The following CHST5 variants were observed in gnomAD, a reference collection of about 807,000 sequenced individuals.
The protein encoded by CHST5 is carbohydrate sulfotransferase 5.
For missense variants in CHST5, 637 were observed against 602.1 expected, an observed-to-expected ratio of 1.06 and a Z score of -0.61; for synonymous variants, 313 against 279.2, an observed-to-expected ratio of 1.12 and a Z score of -1.21.
At position 75,533,233 on chromosome 16, in the gene CHST5, A is replaced by G. The variant is rs1032614433; in HGVS notation, c.-1351-50T>C. The G allele has an allele frequency of 2.0e-5, 14 of 702,290 alleles. No homozygotes were observed. The African/African-American group carries it at 2.4e-4, about 12-fold the overall frequency. 43.5% of individuals were successfully genotyped at this position (702,290 alleles called of 1,614,324 possible). On this transcript the variant is annotated intron_variant, in intron 2 of 3. Coordinates refer to ENST00000336257, the MANE Select transcript of CHST5 (RefSeq NM_024533.5). ...ACAGTGGACAATTGGCCAAGGGTGC[A>G]AAGTTAGGGAGAACCAGTCAGCCAG...
rs201072221 is a variant in CHST5, at chr16:75,529,834, C to A, written c.551G>T (p.Arg184Leu). ...GTGGCTGTAGGAGCGGCAGGCCTCC[C>A]GGGCCAGGCTGAATGGCTGCCGCGT... ...LCTRQPFSLA[R>L]EACRSYSHVV... Residue 184 changes from arginine (R) to leucine (L), a missense_variant, in exon 4 of 4, where the codon CGG (arginine) becomes CTG (leucine). Transcript: ENST00000336257. 4.3e-6 allele frequency: 7 copies of A among 1,613,614 alleles called. No individual in the cohort carries two copies. The East Asian group carries it at 1.1e-4, about 26-fold the overall frequency.
chr16:75,535,452 G>A (rs2080554169), intron 1 of CHST5, among the ~76,000 whole-genome samples, 43 bp from the exon 2 acceptor site: 1 of 152,164 alleles, frequency 6.6e-6, no homozygotes, highest in South Asian at 2.1e-4. Flanking sequence ...GTTGAGGATG[G>A]GGGTGTCCTG....
Position 75,529,346 on chromosome 16 carries a change from T to C in CHST5, c.1039A>G (p.Asn347Asp). ...CAGGCCTGGGAGACGTTGCGCGCAT[T>C]CCTAGACGAAGTATGGAAGGCCTCG... ...PIEAFHTSSRNARNVSQAWRH... is the reference protein window; with the variant it reads ...PIEAFHTSSRDARNVSQAWRH... Residue 347 changes from asparagine to aspartate, a missense_variant, in exon 4 of 4, where the codon AAT (asparagine) becomes GAT (aspartate). Transcript: ENST00000336257. 6.2e-7 allele frequency: 1 copy of C among 1,613,192 alleles called. No homozygotes were observed. The highest frequency in any genetic ancestry group is 8.5e-7 in the Non-Finnish European group (1 of 1,179,888).
chr16:75,534,661 CAAACAAAA>C (rs1190830279), intron 2 of CHST5, among the ~76,000 whole-genome samples: 85 of 152,206 alleles, frequency 5.6e-4, no homozygotes, highest in African/African-American at 2.0e-3. Flanking sequence ...AACAAACAAA[CAAACAAAA>C]AAACATTTCC....
At position 75,530,201 on chromosome 16, in the gene CHST5, G is replaced by T; in HGVS notation, c.184C>A (p.Arg62Ser). The stretch of plus-strand genomic sequence containing the variant: ...GAGGACAGCACCAGCACGTGCACAC[G>T]ATCCTCGCCGCCGGCTGGGGATGAG... The part of the protein sequence containing the change: ...GPSSPAGGED[R>S]VHVLVLSSWR... The change falls in exon 4 of 4, where the codon CGT becomes AGT. Residue 62 changes from arginine to serine, a missense_variant. Arg to Ser is a moderately radical substitution (Grantham distance 110). Transcript: ENST00000336257. 3 of 1,613,672 alleles carry T rather than the reference G, an allele frequency of 1.9e-6. No homozygotes were observed. Among genetic ancestry groups the T allele is most frequent in the Non-Finnish European group, 2.5e-6 (3 of 1,179,980 alleles).
At chr16:75,534,635 C>T (rs1337093040) in intron 2 of CHST5, among the ~76,000 whole-genome samples, 4 of 152,076 alleles carry the variant, frequency 2.6e-5, no homozygotes, top group Non-Finnish European at 4.4e-5. Flanking sequence ...AGCGAGACTC[C>T]GTCTCGAAAC....
Position 75,530,377 on chromosome 16 carries a change from A to G in CHST5, c.8T>C (p.Met3Thr), listed in dbSNP as rs1273649059. The change falls in exon 4 of 4, where the codon ATG (methionine) becomes ACG (threonine). Residue 3 changes from methionine (M) to threonine (T), a missense_variant. Transcript: ENST00000336257. MGMRARVPKVAHS... is the reference protein window; with the variant it reads MGTRARVPKVAHS... ...GGCAACTTTAGGGACCCGGGCCCTC[A>G]TGCCCATCCCATGCCCCAATTACTG... 5.2e-6 allele frequency: 8 copies of G among 1,537,732 alleles called. No homozygotes were observed. The East Asian group carries it at 1.9e-4, about 36-fold the overall frequency.
At position 75,529,394 on chromosome 16, in the gene CHST5, C is replaced by A; in HGVS notation, c.991G>T (p.Gly331Trp). 6.2e-7 allele frequency: 1 copy of A among 1,613,100 alleles called. No homozygotes were observed. Residue 331 changes from glycine to tryptophan, a missense_variant, in exon 4 of 4, where the codon GGG becomes TGG. Physicochemically the swap from Gly to Trp is radical, Grantham distance 184 (BLOSUM62 -2). Transcript: ENST00000336257. ...TCGATTGGCTTGCCGATCCCCGACC[C>A]GTGGGTGATGTTGTGGATCCAGGCC... The part of the protein sequence containing the change: ...LEAWIHNITH[G>W]SGIGKPIEAF...
Position 75,531,586 on chromosome 16 carries a change from G to A in CHST5, c.-1202C>T, listed in dbSNP as rs1286068401. 1.0e-5 allele frequency: 13 copies of A among 1,303,788 alleles called. No homozygotes were observed. Among genetic ancestry groups the A allele is most frequent in the Non-Finnish European group, 1.3e-5 (13 of 988,720 alleles). The allele number at this position is 1,303,788 out of a possible 1,614,324, so 80.8% of individuals were successfully genotyped here. A position where few individuals can be genotyped will look rare whatever the true frequency, so the allele number is the denominator to read the frequency against. On this transcript the variant is annotated 5_prime_UTR_variant, in exon 4 of 4. Transcript: ENST00000336257. ...GCTGAGGGGACTCACCACCGTCCAG[G>A]GCTGCTGGGAGAGCTGCAACGCTGA... is the stretch of plus-strand genomic sequence containing the variant.
chr16:75,531,697 T>C (rs546977899), intron 3 of CHST5, 57 bp from the exon 4 acceptor site: 43 of 1,222,506 alleles, frequency 3.5e-5, no homozygotes, highest in South Asian at 2.0e-4. Context: ...GCCCTGTACA[T>C]AGAAAGCTCC....
Position 75,529,659 on chromosome 16 carries a change from G to T in CHST5, c.726C>A (p.Arg242=), listed in dbSNP as rs369009754. 1 of 1,610,772 alleles carries T rather than the reference G, an allele frequency of 6.2e-7. No homozygotes were observed. Among genetic ancestry groups the T allele is most frequent in the East Asian group, 2.2e-5 (1 of 44,810 alleles). The change falls in exon 4 of 4, where the codon CGC becomes CGA. Residue 242 remains arginine, a synonymous_variant. Coordinates refer to ENST00000336257, the MANE Select transcript of CHST5 (RefSeq NM_024533.5). ...SREAAGPILA[R]DNGIVLGTNG... ...TGGTGCCCAGCACGATGCCGTTGTC[G>T]CGTGCCAGTATCGGGCCCGCCGCCT...
rs2080486923 is a variant in CHST5, at chr16:75,529,136, A to C, written c.*13T>G. 1 of 1,552,666 alleles carries C rather than the reference A, an allele frequency of 6.4e-7. No homozygotes were observed. Among genetic ancestry groups the C allele is most frequent in the Non-Finnish European group, 8.7e-7 (1 of 1,148,196 alleles). ...CGACCACAGTTCGGGGCCTGCTCTAAGGCCCAGAGTTCTCAGTCAGGCGAT... is the reference window on the plus strand; with the variant it reads ...CGACCACAGTTCGGGGCCTGCTCTACGGCCCAGAGTTCTCAGTCAGGCGAT... On this transcript the variant is annotated 3_prime_UTR_variant, in exon 4 of 4. Transcript: ENST00000336257.
intron 3 of CHST5, among the ~76,000 whole-genome samples, chr16:75,532,570 A>G (rs2080532729): frequency 6.6e-6 from 1 of 152,054 alleles, no homozygotes; most frequent in South Asian, 2.1e-4. Context: ...GAGTGAGCGG[A>G]GGATGCCCAA....
At position 75,535,125 on chromosome 16, in the gene CHST5, A is replaced by G. The variant is rs1290410571; in HGVS notation, c.-1352+2T>C. 6.6e-6 allele frequency: 1 copy of G among 152,394 alleles called. No individual in the cohort carries two copies. The highest frequency in any genetic ancestry group is 1.9e-4 in the East Asian group (1 of 5,178). The allele number at this position is 152,394 out of a possible 1,614,324, so 9.4% of individuals were successfully genotyped here. A position where few individuals can be genotyped will look rare whatever the true frequency, so the allele number is the denominator to read the frequency against. ...CCGGTGGAGAATGAAGAACCAAAGT[A>G]CCTCAAAGCTTGGCGTGTCTGCCAG... is the stretch of plus-strand genomic sequence containing the variant. On this transcript the variant is annotated splice_donor_variant, in intron 2 of 3. Coordinates refer to ENST00000336257, the MANE Select transcript of CHST5 (RefSeq NM_024533.5). LOFTEE classifies it low-confidence loss of function (5UTR_SPLICE).
In CHST5 at chr16:75,529,103, G is replaced by A; in HGVS notation, c.*46C>T. ...CCTCTCCACCATGCAGTCGCCTCCT[G>A]GGCCTGGCGACCACAGTTCGGGGCC... On this transcript the variant is annotated 3_prime_UTR_variant, in exon 4 of 4. Transcript: ENST00000336257. 5 of 1,511,650 alleles carry A rather than the reference G, an allele frequency of 3.3e-6. No homozygotes were observed. Among genetic ancestry groups the A allele is most frequent in the Non-Finnish European group, 4.4e-6 (5 of 1,131,664 alleles). 93.6% of individuals were successfully genotyped at this position (1,511,650 alleles called of 1,614,324 possible). A position where few individuals can be genotyped will look rare whatever the true frequency, so the allele number is the denominator to read the frequency against.
chr16:75,535,990 A>T (rs1178507678), intron 1 of CHST5, among the ~76,000 whole-genome samples, 54 bp downstream of exon 1: 1 of 152,160 alleles, frequency 6.6e-6, no homozygotes, highest in East Asian at 1.9e-4. Flanking sequence ...AGGGACTTGG[A>T]ATCCAAACCC....
Position 75,529,681 on chromosome 16 carries a change from G to A in CHST5, c.704C>T (p.Ala235Val), listed in dbSNP as rs773743852. ...GTCGCGTGCCAGTATCGGGCCCGCC[G>A]CCTCCCGGGAGCGCAGCACGGCCCG... ...DPRAVLRSREAAGPILARDNG... is the reference protein window; with the variant it reads ...DPRAVLRSREVAGPILARDNG... Residue 235 changes from alanine to valine, a missense_variant, in exon 4 of 4, where the codon GCG becomes GTG. Physicochemically the swap from Ala to Val is moderately conservative, Grantham distance 64. Transcript: ENST00000336257. 6.2e-7 allele frequency: 1 copy of A among 1,610,114 alleles called. No individual in the cohort carries two copies. Among genetic ancestry groups the A allele is most frequent in the South Asian group, 1.1e-5 (1 of 90,934 alleles).
chr16:75,533,952 T>A (rs1597030068), intron 2 of CHST5, among the ~76,000 whole-genome samples: 1 of 140,826 alleles, frequency 7.1e-6, no homozygotes, highest in African/African-American at 2.7e-5. Context: ...GGCAGGAGAG[T>A]AGCTTGAACC....
At chr16:75,535,831 T>C (rs1378053197) in intron 1 of CHST5, among the ~76,000 whole-genome samples, 10 of 152,192 alleles carry the variant, frequency 6.6e-5, no homozygotes, top group African/African-American at 2.4e-4. Context: ...TCACTTCTCA[T>C]CTAACTGACC....
Sources: allele counts gnomAD v4.1 joint callset (sites outside exome capture counted in the v4.1 genomes callset), GRCh38; gene constraint gnomAD v4.1.1; transcripts MANE v1.5; gene names NCBI Gene and HGNC (gene_info 2026-07-23, HGNC 2026-07-21).